Variants in SMIM3 observed in about 807,000 individuals in gnomAD.
SMIM3 encodes small integral membrane protein 3.
A neutral mutation model predicts 2.1 loss-of-function variants in SMIM3; 4 were observed. The observed-to-expected ratio is 1.89, with a 90% confidence interval of 0.93 to 4.31. The LOEUF is 4.31. SMIM3 is among the 30% of genes most tolerant of loss of function. SMIM3 has a pLI of 0.01. For missense variants in SMIM3, 79 were observed against 77.7 expected, an observed-to-expected ratio of 1.02 and a Z score of -0.06; for synonymous variants, 29 against 30.8, an observed-to-expected ratio of 0.94 and a Z score of 0.19.
intron 1 of SMIM3, among the ~76,000 whole-genome samples, chr5:150,794,986 T>C (rs955952789): frequency 4.6e-5 from 7 of 152,064 alleles, no homozygotes; most frequent in Non-Finnish European, 1.0e-4. Flanking sequence ...ACAATGCATC[T>C]CTCATTTTAT....
At chr5:150,787,231 A>G (rs1172747111) in intron 1 of SMIM3, among the ~76,000 whole-genome samples, 1 of 152,150 alleles carries the variant, frequency 6.6e-6, no homozygotes, top group Non-Finnish European at 1.5e-5. Context: ...AATGAAGCTT[A>G]GAGTCCTGCT....
intron 1 of SMIM3, among the ~76,000 whole-genome samples, chr5:150,790,793 T>C (rs568010366): frequency 7.9e-4 from 121 of 152,354 alleles, no homozygotes; most frequent in Non-Finnish European, 1.3e-3. Context: ...ATTCAGTATG[T>C]ATGGATTGAG....
In SMIM3 at chr5:150,789,796, T is replaced by C. The variant is rs550879916; in HGVS notation, c.-11-5634T>C. On this transcript the variant is annotated intron_variant, in intron 1 of 1. Transcript: ENST00000526627. Reference sequence around the variant, plus strand: ...TATTATTTTTAGTTTGAATTGCATATGTGAAGGGGGTGGGCACCCTCATCT... The same window carrying C: ...TATTATTTTTAGTTTGAATTGCATACGTGAAGGGGGTGGGCACCCTCATCT... Among the ~76,000 whole-genome samples, 181 of 152,286 alleles carry C rather than the reference T, an allele frequency of 1.2e-3. 6 individuals are homozygous for C. The South Asian group carries it at 0.037, about 31-fold the overall frequency.
At chr5:150,780,085 C>G (rs1753216256) in intron 1 of SMIM3, among the ~76,000 whole-genome samples, 1 of 152,144 alleles carries the variant, frequency 6.6e-6, no homozygotes, top group Non-Finnish European at 1.5e-5. Context: ...ATGATGCGTG[C>G]TGCTACTGCA....
chr5:150,786,455 T>A (rs184270354), intron 1 of SMIM3, among the ~76,000 whole-genome samples: 112 of 152,236 alleles, frequency 7.4e-4, no homozygotes, highest in East Asian at 6.4e-3. Context: ...CATCTAATTT[T>A]AAAATTTTTT....
chr5:150,784,045 A>C (rs973082247), intron 1 of SMIM3, among the ~76,000 whole-genome samples: 2 of 150,670 alleles, frequency 1.3e-5, no homozygotes, highest in African/African-American at 4.9e-5. Context: ...CAGCCTCCCG[A>C]GTAGCTGGGA....
intron 1 of SMIM3, among the ~76,000 whole-genome samples, chr5:150,794,334 G>T (rs1753380262): frequency 6.6e-6 from 1 of 152,126 alleles, no homozygotes; most frequent in Non-Finnish European, 1.5e-5. Context: ...TATCTACCCA[G>T]AGGAAGTCAT....
At chr5:150,783,465 A>C (rs1169570417) in intron 1 of SMIM3, among the ~76,000 whole-genome samples, 1 of 152,248 alleles carries the variant, frequency 6.6e-6, no homozygotes. Flanking sequence ...ACGCCTCAGC[A>C]TCAGTGACTT....
intron 1 of SMIM3, among the ~76,000 whole-genome samples, chr5:150,779,405 T>C (rs909402286): frequency 2.6e-5 from 4 of 152,098 alleles, no homozygotes; most frequent in Non-Finnish European, 5.9e-5. Flanking sequence ...GTTTGGGTCT[T>C]TGCACTTACC....
At chr5:150,788,418 T>TGAGGCCAGGAGTTC (rs1275309419) in intron 1 of SMIM3, among the ~76,000 whole-genome samples, 33 of 152,008 alleles carry the variant, frequency 2.2e-4, no homozygotes, top group Middle Eastern at 3.4e-3. Flanking sequence ...GCGGATCACT[T>TGAGGCCAGGAGTTC]GAGGCCAGGA....
intron 1 of SMIM3, 69 bp from the exon 2 acceptor site, chr5:150,795,361 G>A: frequency 1.3e-6 from 2 of 1,532,800 alleles, no homozygotes; most frequent in Non-Finnish European, 1.8e-6. Context: ...GACTCCTGAG[G>A]GTTTCCTTCT....
At chr5:150,781,766 A>G (rs979028842) in intron 1 of SMIM3, among the ~76,000 whole-genome samples, 1 of 152,032 alleles carries the variant, frequency 6.6e-6, no homozygotes, top group Non-Finnish European at 1.5e-5. Context: ...TCTGTCACGG[A>G]GCACCCTGCC....
rs1753409693 is a variant in SMIM3, at chr5:150,796,414, C to T, written c.*791C>T. ...TCTGCCCAGCTCCTGCTGTAATTAG[C>T]TCCACGTGTACCCCCTTCACTCCCT... On this transcript the variant is annotated 3_prime_UTR_variant, in exon 2 of 2. Coordinates refer to ENST00000526627, the MANE Select transcript of SMIM3 (RefSeq NM_032947.5). 6.6e-6 allele frequency: 1 copy of T among 152,378 alleles called. No homozygotes were observed. The highest frequency in any genetic ancestry group is 6.5e-5 in the Admixed American group (1 of 15,282). The allele number at this position is 152,378 out of a possible 1,614,324, so 9.4% of individuals were successfully genotyped here.
chr5:150,788,005 A>T, intron 1 of SMIM3, among the ~76,000 whole-genome samples: 1 of 152,228 alleles, frequency 6.6e-6, no homozygotes, highest in East Asian at 1.9e-4. Flanking sequence ...TGAACCAAAA[A>T]TAAAAACAGT....
intron 1 of SMIM3, among the ~76,000 whole-genome samples, chr5:150,787,849 AT>A (rs979587843): frequency 6.6e-6 from 1 of 152,194 alleles, no homozygotes; most frequent in Middle Eastern, 3.2e-3. Context: ...GGGAAGTGGT[AT>A]TTCACTTCCC....
At chr5:150,786,401 C>T (rs1170684686) in intron 1 of SMIM3, among the ~76,000 whole-genome samples, 1 of 152,194 alleles carries the variant, frequency 6.6e-6, no homozygotes, top group Admixed American at 6.5e-5. Context: ...GATCCTCCCA[C>T]CTCAGCCTCC....
chr5:150,788,435 G>T (rs944087050), intron 1 of SMIM3, among the ~76,000 whole-genome samples: 33 of 151,988 alleles, frequency 2.2e-4, no homozygotes, highest in Middle Eastern at 3.4e-3. Flanking sequence ...AGGAGTTCAA[G>T]ACCAGACTGG....
intron 1 of SMIM3, among the ~76,000 whole-genome samples, chr5:150,785,448 T>TCA (rs1753280802): frequency 6.6e-6 from 1 of 152,182 alleles, no homozygotes; most frequent in South Asian, 2.1e-4. Context: ...TTTGAAGAGA[T>TCA]CATTCTGCTG....
chr5:150,795,410 T>C lies in SMIM3; in HGVS notation c.-11-20T>C, dbSNP rs371906168. 1.2e-4 allele frequency: 186 copies of C among 1,613,298 alleles called. No homozygotes were observed. Among genetic ancestry groups the C allele is most frequent in the Non-Finnish European group, 1.5e-4 (175 of 1,179,398 alleles). ...GGGAGAGAGTACGCAACAGTGATCT[T>C]CCTTTCTTGTCTGTTGCAGAGTGAA... On this transcript the variant is annotated intron_variant, in intron 1 of 1. Coordinates refer to ENST00000526627, the MANE Select transcript of SMIM3 (RefSeq NM_032947.5).
Sources: gnomAD v4.1 joint callset for allele counts (sites outside exome capture counted in the v4.1 genomes callset) on GRCh38, gnomAD v4.1.1 for gene constraint, MANE v1.5 for transcripts, NCBI Gene and HGNC (gene_info 2026-07-23, HGNC 2026-07-21) for gene names.